The following SUSD6 variants were observed in gnomAD, a reference collection of about 807,000 sequenced individuals.
The protein encoded by SUSD6 is sushi domain-containing protein 6.
Under a neutral mutation model 28.4 loss-of-function variants are expected in SUSD6, and 16 were observed. That is an observed-to-expected ratio of 0.56 (90% CI 0.38 to 0.86). SUSD6 has a LOEUF of 0.86. Ranked by LOEUF, SUSD6 falls within the 40% of genes least tolerant of loss-of-function variation. The pLI is 0.00. For missense variants in SUSD6, 341 were observed against 384.2 expected (o/e 0.89, Z 0.94); for synonymous variants, 147 against 159.6 (o/e 0.92, Z 0.59).
intron 5 of SUSD6, among the ~76,000 whole-genome samples, chr14:69,709,951 C>CTGG (rs1886438883): frequency 6.6e-6 from 1 of 152,210 alleles, no homozygotes; most frequent in Non-Finnish European, 1.5e-5. Context: ...TTTATGCTTC[C>CTGG]TGGGTATCCT....
chr14:69,680,585 ATTC>A (rs142337776), intron 2 of SUSD6, among the ~76,000 whole-genome samples: 1,907 of 152,280 alleles, frequency 0.013, 40 homozygotes, highest in African/African-American at 0.043. Flanking sequence ...GGTAAGGTCC[ATTC>A]TTCTTAGCAA....
chr14:69,695,193 T>A (rs75892139), intron 2 of SUSD6, among the ~76,000 whole-genome samples: 1 of 152,036 alleles, frequency 6.6e-6, no homozygotes, highest in Non-Finnish European at 1.5e-5. Context: ...TAGACTTGAC[T>A]ATTTGGCGGG....
intron 5 of SUSD6, among the ~76,000 whole-genome samples, chr14:69,709,765 T>G (rs1326695806): frequency 6.6e-6 from 1 of 152,218 alleles, no homozygotes; most frequent in Non-Finnish European, 1.5e-5. Context: ...TACTGCCTCC[T>G]GATGTTTCTG....
intron 1 of SUSD6, among the ~76,000 whole-genome samples, chr14:69,631,550 T>G (rs1380653460): frequency 6.6e-6 from 1 of 152,184 alleles, no homozygotes; most frequent in East Asian, 1.9e-4. Context: ...CTTTTAAGGT[T>G]GTTGCAAGGA....
chr14:69,652,666 T>C (rs891932459), intron 1 of SUSD6, among the ~76,000 whole-genome samples: 2 of 152,130 alleles, frequency 1.3e-5, no homozygotes, highest in African/African-American at 4.8e-5. Flanking sequence ...GCACGTGGAC[T>C]GAGGAGATCT....
intron 2 of SUSD6, among the ~76,000 whole-genome samples, chr14:69,675,944 T>G (rs1368769648): frequency 6.6e-6 from 1 of 152,016 alleles, no homozygotes; most frequent in Non-Finnish European, 1.5e-5. Flanking sequence ...TTTGATGGTT[T>G]GGTTTTGTTT....
In SUSD6 at chr14:69,713,644, A is replaced by G. The variant is rs1394926802; in HGVS notation, c.*2665A>G. 1 of 152,286 alleles carries G rather than the reference A, an allele frequency of 6.6e-6. No individual in the cohort carries two copies. The highest frequency in any genetic ancestry group is 2.4e-5 in the African/African-American group (1 of 41,436). The allele number at this position is 152,286 out of a possible 1,614,324, so 9.4% of individuals were successfully genotyped here. On this transcript the variant is annotated 3_prime_UTR_variant, in exon 6 of 6. Transcript: ENST00000342745. ...AGAGACAAGGGTAGCAGCAGGTGGCAGGCTGTTAAAAGACAGGCTGCCTGA... is the reference window on the plus strand; with the variant it reads ...AGAGACAAGGGTAGCAGCAGGTGGCGGGCTGTTAAAAGACAGGCTGCCTGA...
intron 2 of SUSD6, among the ~76,000 whole-genome samples, chr14:69,672,323 T>TC (rs1235708992): frequency 6.6e-6 from 1 of 152,190 alleles, no homozygotes; most frequent in African/African-American, 2.4e-5. Flanking sequence ...ATTTTTTTTT[T>TC]CATGAATAAT....
At chr14:69,679,773 G>T (rs61094129) in intron 2 of SUSD6, among the ~76,000 whole-genome samples, 15,389 of 151,956 alleles carry the variant, frequency 0.1, 2,640 homozygotes, top group African/African-American at 0.35. Context: ...TTTTTTTCCT[G>T]TCTGGTAGGT....
chr14:69,639,965 T>TTG (rs1555343347), intron 1 of SUSD6, among the ~76,000 whole-genome samples: 1 of 148,052 alleles, frequency 6.8e-6, no homozygotes, highest in Non-Finnish European at 1.5e-5. Context: ...TGTTTTTTTT[T>TTG]TTTTTTTTTT....
intron 1 of SUSD6, among the ~76,000 whole-genome samples, chr14:69,633,708 C>A (rs1885227194): frequency 6.6e-6 from 1 of 152,186 alleles, no homozygotes; most frequent in Non-Finnish European, 1.5e-5. Context: ...CTGAAATAGA[C>A]ATGATTGCCT....
chr14:69,669,361 C>T (rs1309495291), intron 2 of SUSD6, among the ~76,000 whole-genome samples: 5 of 152,160 alleles, frequency 3.3e-5, no homozygotes, highest in Non-Finnish European at 5.9e-5. Flanking sequence ...TGCTCCTGGC[C>T]TCAAGTATTT....
intron 1 of SUSD6, among the ~76,000 whole-genome samples, chr14:69,644,981 G>A (rs1205217342): frequency 6.6e-6 from 1 of 152,122 alleles, no homozygotes; most frequent in African/African-American, 2.4e-5. Context: ...AAGGAACAGT[G>A]GGCAAGTTCC....
At chr14:69,677,050 AC>A (rs895622962) in intron 2 of SUSD6, among the ~76,000 whole-genome samples, 1 of 152,216 alleles carries the variant, frequency 6.6e-6, no homozygotes, top group African/African-American at 2.4e-5. Flanking sequence ...TAGAGGTCTT[AC>A]TTGATGAGAA....
intron 2 of SUSD6, among the ~76,000 whole-genome samples, chr14:69,676,977 G>A (rs927303150): frequency 3.3e-5 from 5 of 152,212 alleles, no homozygotes; most frequent in Admixed American, 3.3e-4. Context: ...ATAACCCAAG[G>A]TGTTCTCATG....
chr14:69,646,269 C>T (rs1595040297), intron 1 of SUSD6, among the ~76,000 whole-genome samples: 1 of 152,296 alleles, frequency 6.6e-6, no homozygotes, highest in African/African-American at 2.4e-5. Flanking sequence ...CCCTGGTTTC[C>T]ATGTACCTTT....
intron 4 of SUSD6, among the ~76,000 whole-genome samples, chr14:69,708,372 A>G (rs921409749): frequency 6.6e-6 from 1 of 152,134 alleles, no homozygotes; most frequent in African/African-American, 2.4e-5. Context: ...GTGTACCCAG[A>G]GGTTAAGAAC....
rs959050173 is a variant in SUSD6, at chr14:69,635,338, C to T, written c.-80-23175C>T. 2.6e-5 allele frequency among the ~76,000 whole-genome samples: 4 copies of T among 152,264 alleles called. No homozygotes were observed. In the South Asian group the frequency reaches 6.2e-4, roughly 24 times the overall value. On this transcript the variant is annotated intron_variant, in intron 1 of 5. Transcript: ENST00000342745. ...TTGCTTCTTTTGAGAAGGCCTTTTACAATAGTACAATAGTTCCTCTGGAAC... is the reference window on the plus strand; with the variant it reads ...TTGCTTCTTTTGAGAAGGCCTTTTATAATAGTACAATAGTTCCTCTGGAAC...
intron 2 of SUSD6, among the ~76,000 whole-genome samples, chr14:69,662,111 AT>A (rs1460044113): frequency 2.6e-5 from 4 of 152,074 alleles, no homozygotes; most frequent in African/African-American, 4.8e-5. Context: ...ACCTGTTCTT[AT>A]AGCTGCTCCT....
Sources: gnomAD v4.1 joint callset for allele counts (sites outside exome capture counted in the v4.1 genomes callset) on GRCh38, gnomAD v4.1.1 for gene constraint, MANE v1.5 for transcripts, NCBI Gene and HGNC (gene_info 2026-07-23, HGNC 2026-07-21) for gene names.